The following CMIP variants were observed in gnomAD, a reference collection of about 807,000 sequenced individuals.
CMIP encodes c-Maf inducing protein.
Under a neutral mutation model 97.3 loss-of-function variants are expected in CMIP, and 13 were observed. That is an observed-to-expected ratio of 0.13 (90% CI 0.09 to 0.21). CMIP has a LOEUF of 0.21. Among genes scored for constraint, CMIP ranks in the 10% least tolerant of loss-of-function variants. The pLI is 1.00. For missense variants in CMIP, 847 were observed against 1,024.9 expected (o/e 0.83, Z 2.37); for synonymous variants, 538 against 436.3 (o/e 1.23, Z -2.91).
At chr16:81,683,310 A>G (rs1255331539) in intron 10 of CMIP, among the ~76,000 whole-genome samples, 1 of 152,130 alleles carries the variant, frequency 6.6e-6, no homozygotes, top group African/African-American at 2.4e-5. Flanking sequence ...CTTTGCAAAC[A>G]TTAGATTTTA....
chr16:81,483,229 G>A (rs1424343659), intron 1 of CMIP, among the ~76,000 whole-genome samples: 1 of 152,210 alleles, frequency 6.6e-6, no homozygotes, highest in African/African-American at 2.4e-5. Flanking sequence ...GGTAAGGGAG[G>A]AAGCTGTGCA....
chr16:81,452,885 G>GTTTTTTTTTTTTTTTTTTTTTTTTT (rs558606255), intron 1 of CMIP, among the ~76,000 whole-genome samples: 2 of 129,242 alleles, frequency 1.5e-5, no homozygotes, highest in African/African-American at 5.8e-5. Context: ...TTTTTGTTTT[G>GTTTTTTTTTTTTTTTTTTTTTTTTT]TTTTTTTTTT....
intron 1 of CMIP, among the ~76,000 whole-genome samples, chr16:81,470,365 G>T (rs1487773910): frequency 6.6e-6 from 1 of 152,246 alleles, no homozygotes; most frequent in East Asian, 1.9e-4. Flanking sequence ...TGGTGGCTGG[G>T]GTTCTGGGCA....
At chr16:81,677,487 T>A (rs984332105) in intron 9 of CMIP, among the ~76,000 whole-genome samples, 3 of 152,142 alleles carry the variant, frequency 2.0e-5, no homozygotes, top group Non-Finnish European at 2.9e-5. Flanking sequence ...CTGTCCCTTA[T>A]AATGCACCTC....
intron 10 of CMIP, among the ~76,000 whole-genome samples, chr16:81,683,546 A>C (rs3863488): frequency 6.6e-6 from 1 of 150,424 alleles, no homozygotes; most frequent in South Asian, 2.1e-4. Flanking sequence ...CCTGCCACCA[A>C]GTCTGGCTAA....
intron 6 of CMIP, among the ~76,000 whole-genome samples, chr16:81,663,260 GATAA>G (rs1240208563): frequency 6.6e-6 from 1 of 151,340 alleles, no homozygotes; most frequent in African/African-American, 2.4e-5. Context: ...TGGGTGAATG[GATAA>G]ATAAACTGTG....
At chr16:81,473,903 T>G (rs1225595081) in intron 1 of CMIP, among the ~76,000 whole-genome samples, 1 of 151,860 alleles carries the variant, frequency 6.6e-6, no homozygotes, top group East Asian at 1.9e-4. Flanking sequence ...ATATCCATTT[T>G]CTAATAATAA....
At chr16:81,670,712 T>C (rs1945625394) in intron 8 of CMIP, among the ~76,000 whole-genome samples, 3 of 151,864 alleles carry the variant, frequency 2.0e-5, no homozygotes, top group Non-Finnish European at 4.4e-5. Context: ...AGAACCATAG[T>C]ATCCCTCGCC....
At position 81,709,787 on chromosome 16, in the gene CMIP, C is replaced by T. The variant is rs761746387; in HGVS notation, c.2310C>T (p.Thr770=). Residue 770 remains threonine (T), a synonymous_variant, in exon 21 of 21, where the codon ACC becomes ACT. Transcript: ENST00000537098. ...PNLKEVDVRY[T]EAW ...TGAAGGAAGTGGACGTCCGCTACAC[C>T]GAAGCCTGGTGAAGCTCCCAGCTCA... 25 of 1,613,810 alleles carry T rather than the reference C, an allele frequency of 1.5e-5. No individual in the cohort carries two copies. The highest frequency in any genetic ancestry group is 4.0e-5 in the African/African-American group (3 of 74,938).
At chr16:81,548,839 C>T (rs1009597691) in intron 1 of CMIP, among the ~76,000 whole-genome samples, 3 of 152,146 alleles carry the variant, frequency 2.0e-5, no homozygotes, top group African/African-American at 7.2e-5. Context: ...GAGCAAGATT[C>T]TGTCTCTGAA....
chr16:81,605,949 C>T (rs1028602177), intron 1 of CMIP, among the ~76,000 whole-genome samples: 1 of 152,186 alleles, frequency 6.6e-6, no homozygotes, highest in Non-Finnish European at 1.5e-5. Flanking sequence ...ACTTTTTGAG[C>T]CTAGCAATTG....
chr16:81,591,993 T>C (rs963569456), intron 1 of CMIP, among the ~76,000 whole-genome samples: 24 of 151,526 alleles, frequency 1.6e-4, no homozygotes, highest in African/African-American at 5.6e-4. Context: ...ATGGCTAGTT[T>C]TTGTGTTTTT....
intron 2 of CMIP, among the ~76,000 whole-genome samples, chr16:81,613,325 G>A (rs907060411): frequency 1.4e-5 from 2 of 141,498 alleles, no homozygotes; most frequent in African/African-American, 5.4e-5. Context: ...ATCCAGAGGA[G>A]CTCAGATGCA....
chr16:81,683,825 G>A (rs1374129799), intron 10 of CMIP, among the ~76,000 whole-genome samples: 4 of 124,730 alleles, frequency 3.2e-5, no homozygotes, highest in African/African-American at 9.4e-5. Flanking sequence ...GCAGTGACGC[G>A]ATCTCAGCTC....
At chr16:81,624,010 C>T (rs2092026276) in intron 3 of CMIP, among the ~76,000 whole-genome samples, 1 of 152,100 alleles carries the variant, frequency 6.6e-6, no homozygotes, top group Non-Finnish European at 1.5e-5. Context: ...CAGGACATAA[C>T]CCCTCTGCTT....
chr16:81,576,957 C>G (rs2091199464), intron 1 of CMIP, among the ~76,000 whole-genome samples: 1 of 152,132 alleles, frequency 6.6e-6, no homozygotes. Context: ...ATCACTGTCA[C>G]TGTCATCATC....
At chr16:81,633,423 A>G (rs2092191781) in intron 3 of CMIP, among the ~76,000 whole-genome samples, 1 of 152,236 alleles carries the variant, frequency 6.6e-6, no homozygotes, top group Non-Finnish European at 1.5e-5. Flanking sequence ...CTTTAAAAAG[A>G]GCAGTGCTTG....
intron 10 of CMIP, 38 bp from the exon 11 acceptor site, chr16:81,691,737 T>C (rs1906099517): frequency 1.3e-6 from 2 of 1,591,036 alleles, no homozygotes; most frequent in Non-Finnish European, 1.7e-6. Context: ...ACCTTCCTTG[T>C]CCCAACCAAA....
chr16:81,648,214 G>A (rs1026210066), intron 3 of CMIP, among the ~76,000 whole-genome samples: 4 of 151,756 alleles, frequency 2.6e-5, no homozygotes, highest in African/African-American at 4.8e-5. Flanking sequence ...CTGATGTGAT[G>A]GAAAGAGCTT....
Sources: gnomAD v4.1 joint callset for allele counts (sites outside exome capture counted in the v4.1 genomes callset) on GRCh38, gnomAD v4.1.1 for gene constraint, MANE v1.5 for transcripts, NCBI Gene and HGNC (gene_info 2026-07-23, HGNC 2026-07-21) for gene names.